The following WDR76 variants were observed in gnomAD, a reference collection of about 807,000 sequenced individuals.
The protein encoded by WDR76 is WD repeat domain 76, also known as WD repeat-containing protein 76.
A neutral mutation model predicts 70.2 loss-of-function variants in WDR76; 52 were observed. The ratio of observed to expected loss-of-function variants is 0.74; its 90% confidence interval spans 0.59 to 0.93. The LOEUF is 0.93. WDR76 is among the 40% of genes least tolerant of loss of function. WDR76 has a pLI of 0.00. For missense variants in WDR76, 756 were observed against 760.2 expected (o/e 0.99, Z 0.07); for synonymous variants, 292 against 271.1 (o/e 1.08, Z -0.76).
At chr15:43,841,090 A>G (rs770130557) in intron 5 of WDR76, among the ~76,000 whole-genome samples, 7 of 149,866 alleles carry the variant, frequency 4.7e-5, no homozygotes, top group Non-Finnish European at 8.9e-5. Context: ...GCACAATCTC[A>G]GTTCACTGCA....
chr15:43,856,613 T>C (rs1046081961), intron 9 of WDR76, among the ~76,000 whole-genome samples: 1 of 151,788 alleles, frequency 6.6e-6, no homozygotes, highest in African/African-American at 2.4e-5. Context: ...CTTTTTTTTT[T>C]TTTTAATTTT....
chr15:43,852,248 A>G (rs1467489635), intron 9 of WDR76, among the ~76,000 whole-genome samples: 1 of 152,022 alleles, frequency 6.6e-6, no homozygotes, highest in Non-Finnish European at 1.5e-5. Context: ...CAGTGGCGAG[A>G]TCTCGGCTCA....
intron 9 of WDR76, among the ~76,000 whole-genome samples, chr15:43,856,262 T>A (rs1447233792): frequency 6.6e-6 from 1 of 152,178 alleles, no homozygotes; most frequent in Non-Finnish European, 1.5e-5. Context: ...GATCTCTTAG[T>A]GAAATTACTG....
At chr15:43,853,904 A>C (rs1337778326) in intron 9 of WDR76, among the ~76,000 whole-genome samples, 2 of 101,860 alleles carry the variant, frequency 2.0e-5, no homozygotes, top group Non-Finnish European at 3.7e-5. Context: ...AGACTGTCTC[A>C]AAAAAAAAAA....
At position 43,851,182 on chromosome 15, in the gene WDR76, A is replaced by T; in HGVS notation, c.1128A>T (p.Ile376=). ...TCTCACCCGCCAATCCGGCCCACAT[A>T]CTGTCACTGAGCTATGATGGCACGT... ...LYFSPANPAH[I]LSLSYDGTLR... Residue 376 remains isoleucine (I), a synonymous_variant, in exon 9 of 13, where the codon ATA becomes ATT. Transcript: ENST00000263795. 1 of 1,614,072 alleles carries T rather than the reference A, an allele frequency of 6.2e-7. No individual in the cohort carries two copies. Among genetic ancestry groups the T allele is most frequent in the Non-Finnish European group, 8.5e-7 (1 of 1,180,016 alleles).
Position 43,832,547 on chromosome 15 carries a change from G to A in WDR76, c.463-2514G>A, listed in dbSNP as rs544581650. ...TGCAACCTCTGCCTTCTAGGTTCAAGCGATTCTCCTGTCTCAGCTTCCTGA... is the reference window on the plus strand; with the variant it reads ...TGCAACCTCTGCCTTCTAGGTTCAAACGATTCTCCTGTCTCAGCTTCCTGA... On this transcript the variant is annotated intron_variant, in intron 2 of 12. Coordinates refer to ENST00000263795, the MANE Select transcript of WDR76 (RefSeq NM_024908.4). Among the ~76,000 whole-genome samples, 4 of 151,972 alleles carry A rather than the reference G, an allele frequency of 2.6e-5. No homozygotes were observed. In the East Asian group the frequency reaches 7.7e-4, roughly 29 times the overall value.
In WDR76 at chr15:43,866,540, C is replaced by G. The variant is rs746256680; in HGVS notation, c.*148C>G. The G allele has an allele frequency of 2.1e-6, 2 of 954,084 alleles. No homozygotes were observed. Among genetic ancestry groups the G allele is most frequent in the African/African-American group, 1.7e-5 (1 of 59,528 alleles). 59.1% of individuals were successfully genotyped at this position (954,084 alleles called of 1,614,324 possible). A position where few individuals can be genotyped will look rare whatever the true frequency, so the allele number is the denominator to read the frequency against. Reference sequence around the variant, plus strand: ...TTAATAAGACTATAAGAAGAGTGTACTTTTAGTAAGGGAGAAGTCTTGGAG... The same window carrying G: ...TTAATAAGACTATAAGAAGAGTGTAGTTTTAGTAAGGGAGAAGTCTTGGAG... On this transcript the variant is annotated 3_prime_UTR_variant, in exon 13 of 13. Coordinates refer to ENST00000263795, the MANE Select transcript of WDR76 (RefSeq NM_024908.4).
Position 43,857,168 on chromosome 15 carries a change from GGTC to G in WDR76, c.1409+6_1409+8del. The G allele has an allele frequency of 6.2e-7, 1 of 1,609,626 alleles. No individual in the cohort carries two copies. The highest frequency in any genetic ancestry group is 8.5e-7 in the Non-Finnish European group (1 of 1,177,862). The stretch of plus-strand genomic sequence containing the variant: ...TTTTATCACTGCCGGATTGAGGTAT[GGTC>G]TTTATAAGACTTTATGACTTAGACC... On this transcript the variant is annotated splice_donor_region_variant and intron_variant, in intron 10 of 12. Coordinates refer to ENST00000263795, the MANE Select transcript of WDR76 (RefSeq NM_024908.4).
chr15:43,850,267 T>TTTTTTA (rs780165186), intron 8 of WDR76, among the ~76,000 whole-genome samples: 3 of 148,296 alleles, frequency 2.0e-5, no homozygotes, highest in African/African-American at 7.5e-5. Context: ...TGGTGTTATT[T>TTTTTTA]TTTTATTTTA....
rs1419989052 is a variant in WDR76 at position 43,867,968 on chromosome 15, T to C, written c.*1576T>C. 6.6e-6 allele frequency: 1 copy of C among 152,242 alleles called. No individual in the cohort carries two copies. Among genetic ancestry groups the C allele is most frequent in the Non-Finnish European group, 1.5e-5 (1 of 68,042 alleles). The allele number at this position is 152,242 out of a possible 1,614,324, so 9.4% of individuals were successfully genotyped here. A position where few individuals can be genotyped will look rare whatever the true frequency, so the allele number is the denominator to read the frequency against. On this transcript the variant is annotated 3_prime_UTR_variant, in exon 13 of 13. Coordinates refer to ENST00000263795, the MANE Select transcript of WDR76 (RefSeq NM_024908.4). Reference sequence around the variant, plus strand: ...AAGAGGAAATATTTTCCCATAATTGTATATCAGAGAAATATAGTGATATAC... The same window carrying C: ...AAGAGGAAATATTTTCCCATAATTGCATATCAGAGAAATATAGTGATATAC...
chr15:43,834,940 G>T, intron 2 of WDR76, 121 bp from the exon 3 acceptor site: 1 of 826,434 alleles, frequency 1.2e-6, no homozygotes, highest in East Asian at 2.7e-5. Context: ...ATGATGAAAT[G>T]AATAGAGATA....
At chr15:43,854,013 C>T (rs965023997) in intron 9 of WDR76, among the ~76,000 whole-genome samples, 3 of 151,892 alleles carry the variant, frequency 2.0e-5, no homozygotes, top group Non-Finnish European at 2.9e-5. Context: ...CAATGAGATA[C>T]CCCTTTACAC....
chr15:43,861,253 G>C (rs2087993932), intron 11 of WDR76, 80 bp from the exon 12 acceptor site: 1 of 1,179,638 alleles, frequency 8.5e-7, no homozygotes, highest in African/African-American at 1.5e-5. Flanking sequence ...GAATTAATGA[G>C]AAGCTTGTTA....
chr15:43,861,301 CAA>C (rs1179527249), intron 11 of WDR76, 30 bp from the exon 12 acceptor site: 27 of 1,582,516 alleles, frequency 1.7e-5, no homozygotes, highest in South Asian at 3.3e-5. Flanking sequence ...TTTTAAGTAA[CAA>C]AAGAATGTCT....
At chr15:43,847,595 G>T (rs2087805062) in intron 8 of WDR76, among the ~76,000 whole-genome samples, 2 of 151,662 alleles carry the variant, frequency 1.3e-5, no homozygotes, top group Non-Finnish European at 2.9e-5. Flanking sequence ...TAATTTTTTT[G>T]TTTTTTTAGT....
At chr15:43,830,175 A>C (rs751024053) in intron 2 of WDR76, among the ~76,000 whole-genome samples, 47 of 152,004 alleles carry the variant, frequency 3.1e-4, no homozygotes, top group African/African-American at 1.1e-3. Context: ...CCCAATTTGC[A>C]TATTTAACAG....
At chr15:43,861,917 A>G (rs1008399419) in intron 12 of WDR76, among the ~76,000 whole-genome samples, 10 of 149,502 alleles carry the variant, frequency 6.7e-5, no homozygotes, top group Admixed American at 2.0e-4. Flanking sequence ...GCTCACTGCA[A>G]TCTTCACCTC....
At chr15:43,861,249 A>G in intron 11 of WDR76, 84 bp from the exon 12 acceptor site, 2 of 1,163,096 alleles carry the variant, frequency 1.7e-6, no homozygotes, top group South Asian at 2.5e-5. Flanking sequence ...CCATGAATTA[A>G]TGAGAAGCTT....
At position 43,836,169 on chromosome 15, in the gene WDR76, A is replaced by G; in HGVS notation, c.561A>G (p.Ala187=). 1 of 1,608,352 alleles carries G rather than the reference A, an allele frequency of 6.2e-7. No individual in the cohort carries two copies. Among genetic ancestry groups the G allele is most frequent in the Non-Finnish European group, 8.5e-7 (1 of 1,177,626 alleles). ...FASLQLSESA[A]RLREMIEKRQ... ...ATTTTTATACTTTACAGTCTGCTGC[A>G]AGACTCCGTGAAATGATAGAGAAGA... The change falls in exon 4 of 13, where the codon GCA becomes GCG. Residue 187 remains alanine (A), a synonymous_variant. Coordinates refer to ENST00000263795, the MANE Select transcript of WDR76 (RefSeq NM_024908.4).
Sources: gnomAD v4.1 joint callset for allele counts (sites outside exome capture counted in the v4.1 genomes callset) on GRCh38, gnomAD v4.1.1 for gene constraint, MANE v1.5 for transcripts, NCBI Gene and HGNC (gene_info 2026-07-23, HGNC 2026-07-21) for gene names.